UEVLD: variants seen among roughly 807,000 people sequenced by gnomAD.
The protein encoded by UEVLD is ubiquitin-conjugating enzyme E2 variant 3.
UEVLD carries 47 observed loss-of-function variants against 58.6 expected under a neutral mutation model. The ratio of observed to expected loss-of-function variants is 0.80; its 90% confidence interval spans 0.63 to 1.02. The LOEUF is 1.02. Ranked by LOEUF, UEVLD falls within the 50% of genes least tolerant of loss-of-function variation. The probability of loss-of-function intolerance (pLI) is 0.00; values close to 1 mark genes in which losing one functional copy is unlikely to be tolerated. For synonymous variants in UEVLD, 197 were observed against 195.3 expected, an observed-to-expected ratio of 1.01 and a Z score of -0.07; for missense variants, 510 against 550.6, an observed-to-expected ratio of 0.93 and a Z score of 0.74.
At position 18,575,366 on chromosome 11, in the gene UEVLD, T is replaced by C. The variant is rs996908774; in HGVS notation, c.174A>G (p.Thr58=). The part of the protein sequence containing the change: ...SQKDLLNFTG[T]IPVMYQGNTY... Reference sequence around the variant, plus strand: ...ACTTACCCTGATACATCACAGGAATTGTGCCAGTAAAATTCAGCAGGTCTT... The same window carrying C: ...ACTTACCCTGATACATCACAGGAATCGTGCCAGTAAAATTCAGCAGGTCTT... Residue 58 remains threonine, a synonymous_variant, in exon 3 of 12, where the codon ACA becomes ACG. Transcript: ENST00000396197. The C allele has an allele frequency of 4.4e-6, 7 of 1,608,210 alleles. No homozygotes were observed. The highest frequency in any genetic ancestry group is 5.9e-6 in the Non-Finnish European group (7 of 1,178,628).
intron 7 of UEVLD, among the ~76,000 whole-genome samples, chr11:18,554,763 G>A (rs1331431412): frequency 6.6e-6 from 1 of 152,036 alleles, no homozygotes; most frequent in East Asian, 1.9e-4. Flanking sequence ...GTGTATGTAT[G>A]TATCTGTATG....
At chr11:18,557,633 A>G (rs1851814037) in intron 7 of UEVLD, among the ~76,000 whole-genome samples, 1 of 148,624 alleles carries the variant, frequency 6.7e-6, no homozygotes, top group African/African-American at 2.5e-5. Flanking sequence ...TCACAATCCT[A>G]GTGCATTGCA....
intron 8 of UEVLD, among the ~76,000 whole-genome samples, chr11:18,546,176 C>A (rs1851295811): frequency 6.6e-6 from 1 of 152,106 alleles, no homozygotes; most frequent in African/African-American, 2.4e-5. Flanking sequence ...AAACAACCTG[C>A]AAAATACAAA....
chr11:18,566,489 A>G lies in UEVLD; in HGVS notation c.358-7T>C, dbSNP rs1388231838. The G allele has an allele frequency of 3.7e-6, 6 of 1,611,298 alleles. No individual in the cohort carries two copies. The highest frequency in any genetic ancestry group is 5.1e-6 in the Non-Finnish European group (6 of 1,179,376). On this transcript the variant is annotated splice_polypyrimidine_tract_variant and splice_region_variant and intron_variant, in intron 4 of 11. Coordinates refer to ENST00000396197, the MANE Select transcript of UEVLD (RefSeq NM_001040697.4). The stretch of plus-strand genomic sequence containing the variant: ...CAACAATGACAGATTTAGGCTGTAG[A>G]ATACACAAAAAACAGAAAAGTTACA...
At chr11:18,545,003 C>T (rs964451673) in intron 8 of UEVLD, among the ~76,000 whole-genome samples, 8 of 147,312 alleles carry the variant, frequency 5.4e-5, no homozygotes, top group Non-Finnish European at 8.9e-5. Context: ...CATATATATA[C>T]ACGTATGTAT....
rs553089657 is a variant in UEVLD, at chr11:18,541,258, A to T, written c.1060+3365T>A. On this transcript the variant is annotated intron_variant, in intron 9 of 11. Coordinates refer to ENST00000396197, the MANE Select transcript of UEVLD (RefSeq NM_001040697.4). ...AGGCTGGTTAAGTAAATTATGGTAT[A>T]TCCAGTAGTTAAAAAGAATGAATGA... Among the ~76,000 whole-genome samples, 30 of 152,360 alleles carry T rather than the reference A, an allele frequency of 2.0e-4. No individual in the cohort carries two copies. In the South Asian group the frequency reaches 6.0e-3, roughly 30 times the overall value.
At chr11:18,587,364 T>C (rs1853631092) in intron 1 of UEVLD, among the ~76,000 whole-genome samples, 1 of 152,210 alleles carries the variant, frequency 6.6e-6, no homozygotes, top group Admixed American at 6.5e-5. Context: ...GATAAATTCA[T>C]TCAAGTCACT....
At chr11:18,578,699 T>A (rs776183471) in intron 2 of UEVLD, 25 bp downstream of exon 2, 2 of 1,548,448 alleles carry the variant, frequency 1.3e-6, no homozygotes, top group Admixed American at 3.7e-5. Flanking sequence ...AATGCAGCAT[T>A]TAAACTAGAG....
intron 11 of UEVLD, among the ~76,000 whole-genome samples, chr11:18,533,325 C>CCG (rs1425065224): frequency 1.3e-5 from 2 of 151,694 alleles, no homozygotes; most frequent in East Asian, 3.9e-4. Flanking sequence ...TATCCCCCAA[C>CCG]CGCAGCCTGT....
At chr11:18,574,649 T>G (rs949201070) in intron 3 of UEVLD, among the ~76,000 whole-genome samples, 3 of 152,216 alleles carry the variant, frequency 2.0e-5, no homozygotes, top group African/African-American at 7.2e-5. Context: ...TTGTTTTCTT[T>G]TATTTTTGGG....
intron 6 of UEVLD, among the ~76,000 whole-genome samples, chr11:18,558,671 C>G (rs1469363918): frequency 2.0e-5 from 3 of 151,368 alleles, no homozygotes; most frequent in African/African-American, 7.3e-5. Context: ...ATAATCCTAG[C>G]TATTCAGGAG....
At chr11:18,563,620 A>G in intron 6 of UEVLD, 1 of 928,074 alleles carries the variant, frequency 1.1e-6, no homozygotes, top group Non-Finnish European at 1.3e-6. Flanking sequence ...TGACCAAATA[A>G]AAATTCAGAT....
At chr11:18,566,631 T>C (rs1852317414) in intron 4 of UEVLD, 149 bp from the exon 5 acceptor site, 1 of 763,160 alleles carries the variant, frequency 1.3e-6, no homozygotes, top group Non-Finnish European at 2.0e-6. Context: ...GGCAACAGAA[T>C]GAGACTTCAT....
intron 7 of UEVLD, among the ~76,000 whole-genome samples, chr11:18,548,230 T>C (rs1255847235): frequency 6.6e-6 from 1 of 152,120 alleles, no homozygotes; most frequent in African/African-American, 2.4e-5. Context: ...ACTATATTAC[T>C]CTCCATTGCA....
intron 9 of UEVLD, among the ~76,000 whole-genome samples, chr11:18,541,865 C>T (rs947597277): frequency 1.3e-5 from 2 of 152,178 alleles, no homozygotes; most frequent in African/African-American, 2.4e-5. Flanking sequence ...AGACACAAGA[C>T]CTGGGTGCTA....
At chr11:18,538,993 GTGC>G (rs1166830967) in intron 9 of UEVLD, 4 of 151,324 alleles carry the variant, frequency 2.6e-5, no homozygotes, top group African/African-American at 9.7e-5. Flanking sequence ...CCGTGCCACT[GTGC>G]TCCAGCCTGG....
At chr11:18,563,114 A>G (rs1303846746) in intron 6 of UEVLD, among the ~76,000 whole-genome samples, 1 of 152,068 alleles carries the variant, frequency 6.6e-6, no homozygotes, top group Non-Finnish European at 1.5e-5. Context: ...AAAAAAAAAA[A>G]AAGACAAATA....
rs186275959 is a variant in UEVLD at position 18,558,114 on chromosome 11, G to A, written c.715+114C>T. ...TATTTCAATCTTAGTTTCCCAATAT[G>A]TAAAATGAGAGACTTGGACAAGGTG... On this transcript the variant is annotated intron_variant, in intron 7 of 11. Transcript: ENST00000396197. 41 of 650,846 alleles carry A rather than the reference G, an allele frequency of 6.3e-5. No individual in the cohort carries two copies. In the Admixed American group the frequency reaches 8.7e-4, roughly 14 times the overall value. 40.3% of individuals were successfully genotyped at this position (650,846 alleles called of 1,614,324 possible).
Position 18,547,056 on chromosome 11 carries a change from G to C in UEVLD, c.716-6C>G. 6.2e-7 allele frequency: 1 copy of C among 1,608,000 alleles called. No homozygotes were observed. The highest frequency in any genetic ancestry group is 8.5e-7 in the Non-Finnish European group (1 of 1,178,582). ...ATGAGCAGAGGCAGACAAATCTAGT[G>C]AATGAAAAGAAACAGTCTGAGCTGA... On this transcript the variant is annotated splice_region_variant and splice_polypyrimidine_tract_variant and intron_variant, in intron 7 of 11. Transcript: ENST00000396197.
Sources: gnomAD v4.1 joint callset for allele counts (sites outside exome capture counted in the v4.1 genomes callset) on GRCh38, gnomAD v4.1.1 for gene constraint, MANE v1.5 for transcripts, NCBI Gene and HGNC (gene_info 2026-07-23, HGNC 2026-07-21) for gene names.